EPRS1: variants seen among roughly 807,000 people sequenced by gnomAD.
EPRS1 encodes the protein glutamyl-prolyl-tRNA synthetase 1, also known as bifunctional glutamate/proline--tRNA ligase.
EPRS1 carries 107 observed loss-of-function variants against 188.3 expected under a neutral mutation model. The ratio of observed to expected loss-of-function variants is 0.57; its 90% CI spans 0.49 to 0.67. The LOEUF (loss-of-function observed/expected upper bound fraction) is 0.67, where lower values mean the gene tolerates loss of function less well. Among genes scored for constraint, EPRS1 ranks in the 30% least tolerant of loss-of-function variants. The pLI is 0.00. For synonymous variants in EPRS1, 596 were observed against 593.1 expected (o/e 1.00, Z -0.07); for missense variants, 1,577 against 1,802.2 (o/e 0.88, Z 2.26).
chr1:219,996,517 C>A (rs1461459500), intron 18 of EPRS1, among the ~76,000 whole-genome samples: 4 of 152,180 alleles, frequency 2.6e-5, no homozygotes, highest in Non-Finnish European at 5.9e-5. Flanking sequence ...AAGGGCAGGG[C>A]CTAGCAATCC....
intron 18 of EPRS1, among the ~76,000 whole-genome samples, chr1:219,994,368 C>T (rs2102572457): frequency 6.6e-6 from 1 of 152,206 alleles, no homozygotes; most frequent in South Asian, 2.1e-4. Flanking sequence ...GCTCTGGCCA[C>T]CCAAAACCCT....
rs1662061866 is a variant in EPRS1, at chr1:220,030,413, G to A, written c.596C>T (p.Thr199Ile). 1 of 1,613,898 alleles carries A rather than the reference G, an allele frequency of 6.2e-7. No individual in the cohort carries two copies. Among genetic ancestry groups the A allele is most frequent in the African/African-American group, 1.3e-5 (1 of 75,028 alleles). The change falls in exon 6 of 32, where the codon ACC becomes ATC. Residue 199 changes from threonine to isoleucine, a missense_variant. Transcript: ENST00000366923. Reference sequence around the variant, plus strand: ...ACTGGCCTCTGGAGGAAATCTGACGGTAACCTTTCCCATCTCCGCACCTGG... The same window carrying A: ...ACTGGCCTCTGGAGGAAATCTGACGATAACCTTTCCCATCTCCGCACCTGG... Reference protein sequence around the residue: ...ELPGAEMGKVTVRFPPEASGY... With the variant: ...ELPGAEMGKVIVRFPPEASGY...
chr1:219,993,666 C>A (rs1321403577), intron 18 of EPRS1, among the ~76,000 whole-genome samples: 1 of 152,038 alleles, frequency 6.6e-6, no homozygotes, highest in African/African-American at 2.4e-5. Context: ...GAAGCTTAGG[C>A]AAATTATTAA....
chr1:219,982,721 T>C lies in EPRS1; in HGVS notation c.3373+51A>G, dbSNP rs1660922541. 1.4e-6 allele frequency: 2 copies of C among 1,419,468 alleles called. 1 individual carries two copies. The highest frequency in any genetic ancestry group is 2.8e-5 in the African/African-American group (2 of 70,888). The allele number at this position is 1,419,468 out of a possible 1,614,324, so 87.9% of individuals were successfully genotyped here. ...AAAGCTGAGACTCAACTTTAGAGGC[T>C]GTCTCTAACGTTCAGTGAGCATTCT... On this transcript the variant is annotated intron_variant, in intron 23 of 31. Coordinates refer to ENST00000366923, the MANE Select transcript of EPRS1 (RefSeq NM_004446.3).
chr1:219,997,317 G>T lies in EPRS1; in HGVS notation c.2207C>A (p.Pro736Gln). ...ACAATTATTATTCAGAGAAGGTGTT[G>T]GTCTTTCCTTAAAAGGAGCAGAGGT... ...NETSAPFKER[P>Q]TPSLNNNCTT... The change falls in exon 18 of 32, where the codon CCA becomes CAA. Residue 736 changes from proline to glutamine, a missense_variant. By Grantham distance (76) the Pro-to-Gln change is moderately conservative. Coordinates refer to ENST00000366923, the MANE Select transcript of EPRS1 (RefSeq NM_004446.3). 4 of 1,606,192 alleles carry T rather than the reference G, an allele frequency of 2.5e-6. No homozygotes were observed. The highest frequency in any genetic ancestry group is 8.5e-7 in the Non-Finnish European group (1 of 1,176,740).
intron 9 of EPRS1, 123 bp from the exon 10 acceptor site, chr1:220,020,344 A>G (rs1275030469): frequency 6.1e-6 from 4 of 655,288 alleles, no homozygotes; most frequent in Non-Finnish European, 7.6e-6. Context: ...CTTAAAAACC[A>G]AAAGGTTTTA....
Position 220,022,270 on chromosome 1 carries a change from G to A in EPRS1, c.1115+77C>T, listed in dbSNP as rs992674172. On this transcript the variant is annotated intron_variant, in intron 9 of 31. Transcript: ENST00000366923. ...AAAGGCCAGGTTTCTTGACTATTTT[G>A]CTTGTACTCCATGTTTAAAGAAGAT... 3.9e-6 allele frequency: 5 copies of A among 1,274,422 alleles called. No homozygotes were observed. The African/African-American group carries it at 7.5e-5, about 19-fold the overall frequency. 78.9% of individuals were successfully genotyped at this position (1,274,422 alleles called of 1,614,324 possible).
At chr1:220,000,242 A>C (rs928306675) in intron 17 of EPRS1, among the ~76,000 whole-genome samples, 3 of 152,202 alleles carry the variant, frequency 2.0e-5, no homozygotes, top group Non-Finnish European at 4.4e-5. Flanking sequence ...AACTGGAACC[A>C]ATGAGGGAAA....
chr1:219,969,149 G>A (rs749174714), intron 30 of EPRS1, 27 bp from the exon 31 acceptor site: 17 of 1,467,220 alleles, frequency 1.2e-5, no homozygotes, highest in Non-Finnish European at 1.6e-5. Flanking sequence ...AAAGTAATCA[G>A]TATTTATAAC....
chr1:219,978,750 C>A, intron 27 of EPRS1, 31 bp from the exon 28 acceptor site: 1 of 1,562,798 alleles, frequency 6.4e-7, no homozygotes, highest in South Asian at 1.2e-5. Context: ...CAAATGTATG[C>A]AAAGAAACAG....
chr1:220,028,408 C>T (rs1662024974), intron 6 of EPRS1, among the ~76,000 whole-genome samples: 1 of 152,040 alleles, frequency 6.6e-6, no homozygotes, highest in Admixed American at 6.6e-5. Flanking sequence ...CACAAGACAA[C>T]TAAAATCATC....
chr1:220,021,089 G>T (rs1661870914), intron 9 of EPRS1, among the ~76,000 whole-genome samples: 1 of 151,640 alleles, frequency 6.6e-6, no homozygotes, highest in Non-Finnish European at 1.5e-5. Context: ...CACTATGTTG[G>T]CCAGGCTGGT....
intron 28 of EPRS1, 22 bp downstream of exon 28, chr1:219,978,524 A>C (rs761296452): frequency 3.1e-5 from 47 of 1,521,448 alleles, no homozygotes; most frequent in Non-Finnish European, 3.9e-5. Flanking sequence ...TTGGGGGTAA[A>C]AGATAAAGCT....
intron 12 of EPRS1, among the ~76,000 whole-genome samples, chr1:220,017,847 C>G (rs1423298882): frequency 4.0e-5 from 6 of 151,202 alleles, no homozygotes; most frequent in Non-Finnish European, 8.8e-5. Flanking sequence ...ATTAATGAAA[C>G]TTTAATACAA....
At chr1:219,986,918 C>G (rs551259632) in intron 20 of EPRS1, among the ~76,000 whole-genome samples, 1 of 152,262 alleles carries the variant, frequency 6.6e-6, no homozygotes, top group East Asian at 1.9e-4. Context: ...AGATGGGAAA[C>G]ATGCACAGGA....
rs961492675 is a variant in EPRS1 at position 220,001,344 on chromosome 1, G to T, written c.2064-89C>A. The T allele has an allele frequency of 3.8e-6, 3 of 780,066 alleles. No individual in the cohort carries two copies. In the African/African-American group the frequency reaches 5.2e-5, roughly 14 times the overall value. 48.3% of individuals were successfully genotyped at this position (780,066 alleles called of 1,614,324 possible). Reference sequence around the variant, plus strand: ...ACTGAATTCCTAGATAAATTCAATGGCACTAAGTTAATGCTTTTCTTTCTT... The same window carrying T: ...ACTGAATTCCTAGATAAATTCAATGTCACTAAGTTAATGCTTTTCTTTCTT... On this transcript the variant is annotated intron_variant, in intron 16 of 31. Coordinates refer to ENST00000366923, the MANE Select transcript of EPRS1 (RefSeq NM_004446.3).
At chr1:220,022,647 G>T in intron 8 of EPRS1, 129 bp from the exon 9 acceptor site, 1 of 736,172 alleles carries the variant, frequency 1.4e-6, no homozygotes, top group Non-Finnish European at 2.2e-6. Flanking sequence ...TAAAAACACT[G>T]TAATATTTCC....
intron 1 of EPRS1, among the ~76,000 whole-genome samples, chr1:220,045,490 C>A (rs931372001): frequency 6.6e-5 from 10 of 151,660 alleles, no homozygotes; most frequent in Non-Finnish European, 1.3e-4. Context: ...GACGATAGAG[C>A]AAGACCCTGA....
At chr1:220,037,091 G>A (rs1391293880) in intron 2 of EPRS1, among the ~76,000 whole-genome samples, 1 of 152,038 alleles carries the variant, frequency 6.6e-6, no homozygotes, top group African/African-American at 2.4e-5. Context: ...CTACTCAGGG[G>A]GCTGAAGCAG....
Sources: gnomAD v4.1 joint callset for allele counts (sites outside exome capture counted in the v4.1 genomes callset) on GRCh38, gnomAD v4.1.1 for gene constraint, MANE v1.5 for transcripts, NCBI Gene and HGNC (gene_info 2026-07-23, HGNC 2026-07-21) for gene names.